Variants in LRMDA observed in about 807,000 individuals in gnomAD.
LRMDA encodes the protein leucine rich melanocyte differentiation associated, also known as leucine-rich melanocyte differentiation-associated protein.
Under a neutral mutation model 29.8 loss-of-function variants are expected in LRMDA, and 18 were observed. That is an observed-to-expected ratio of 0.60 (90% CI 0.42 to 0.90). The LOEUF is 0.90. LRMDA is among the 40% of genes least tolerant of loss of function. The probability of loss-of-function intolerance (pLI) is 0.00; values close to 1 mark genes in which losing one functional copy is unlikely to be tolerated. For missense variants in LRMDA, 273 were observed against 273.9 expected (o/e 1.00, Z 0.02); for synonymous variants, 125 against 109.4 (o/e 1.14, Z -0.89).
intron 6 of LRMDA, among the ~76,000 whole-genome samples, chr10:76,539,231 C>A (rs1242776968): frequency 1.3e-5 from 2 of 151,856 alleles, no homozygotes; most frequent in African/African-American, 4.8e-5. Flanking sequence ...GTTGTAGATA[C>A]TCTAGGAAGA....
At chr10:76,212,283 A>G (rs963869614) in intron 5 of LRMDA, among the ~76,000 whole-genome samples, 1 of 151,592 alleles carries the variant, frequency 6.6e-6, no homozygotes, top group Non-Finnish European at 1.5e-5. Flanking sequence ...AAAAAAAACT[A>G]TAGAGAAATA....
intron 1 of LRMDA, among the ~76,000 whole-genome samples, 176 bp from the exon 2 acceptor site, chr10:75,438,218 C>T (rs1000075672): frequency 6.6e-6 from 1 of 152,172 alleles, no homozygotes; most frequent in Non-Finnish European, 1.5e-5. Flanking sequence ...TTGGTGGAGT[C>T]CTTGGAGCCC....
At chr10:75,536,319 C>A (rs565105867) in intron 2 of LRMDA, among the ~76,000 whole-genome samples, 38 of 152,252 alleles carry the variant, frequency 2.5e-4, no homozygotes, top group Non-Finnish European at 1.5e-5. Flanking sequence ...CTCAAACATG[C>A]CCCCTGGCCT....
intron 6 of LRMDA, chr10:76,465,052 T>G (rs1241420187): frequency 1.3e-5 from 2 of 152,190 alleles, no homozygotes; most frequent in African/African-American, 4.8e-5. Flanking sequence ...AGGCCACAGA[T>G]AAGAGGATGG....
intron 2 of LRMDA, among the ~76,000 whole-genome samples, chr10:75,649,607 T>G (rs1841571353): frequency 6.6e-6 from 1 of 152,246 alleles, no homozygotes; most frequent in Admixed American, 6.5e-5. Context: ...ATAATGCTGC[T>G]GTAAACATTA....
chr10:76,276,462 T>C (rs987376852), intron 5 of LRMDA, among the ~76,000 whole-genome samples: 3 of 152,144 alleles, frequency 2.0e-5, no homozygotes, highest in Non-Finnish European at 2.9e-5. Flanking sequence ...ATTTTTTGTT[T>C]CACATGCTGC....
intron 6 of LRMDA, among the ~76,000 whole-genome samples, chr10:76,339,407 T>C (rs1433109551): frequency 6.6e-6 from 1 of 151,924 alleles, no homozygotes; most frequent in Admixed American, 6.6e-5. Flanking sequence ...AACACTGTAG[T>C]ATATTAAAAA....
chr10:76,206,607 T>C (rs1176768984), intron 5 of LRMDA, among the ~76,000 whole-genome samples: 1 of 152,192 alleles, frequency 6.6e-6, no homozygotes, highest in Non-Finnish European at 1.5e-5. Context: ...ATGCCTTTTG[T>C]GGGACTCTGG....
At chr10:75,447,561 A>T (rs993535966) in intron 2 of LRMDA, among the ~76,000 whole-genome samples, 1 of 152,130 alleles carries the variant, frequency 6.6e-6, no homozygotes, top group Non-Finnish European at 1.5e-5. Flanking sequence ...GAAGACTTTG[A>T]TTCTCTTTAC....
chr10:76,112,363 T>C (rs1219236673), intron 5 of LRMDA, among the ~76,000 whole-genome samples: 2 of 152,208 alleles, frequency 1.3e-5, no homozygotes, highest in Non-Finnish European at 2.9e-5. Flanking sequence ...AAGTGAGATC[T>C]GTGGCCAGGA....
intron 5 of LRMDA, among the ~76,000 whole-genome samples, chr10:76,262,669 A>C (rs548112704): frequency 1.2e-4 from 18 of 152,026 alleles, no homozygotes; most frequent in Non-Finnish European, 1.8e-4. Context: ...GGGAATGGGC[A>C]CTAACTTCTC....
At chr10:75,493,896 CGTGTGT>C (rs10616462) in intron 2 of LRMDA, among the ~76,000 whole-genome samples, 3 of 148,348 alleles carry the variant, frequency 2.0e-5, no homozygotes, top group Non-Finnish European at 4.5e-5. Flanking sequence ...CTGAAATTTA[CGTGTGT>C]GTGTGTGTGT....
At chr10:76,294,131 GA>G (rs1186772644) in intron 5 of LRMDA, among the ~76,000 whole-genome samples, 1 of 152,214 alleles carries the variant, frequency 6.6e-6, no homozygotes, top group Non-Finnish European at 1.5e-5. Flanking sequence ...ATCTCTTGCG[GA>G]AAATACGTTC....
In LRMDA at chr10:75,884,954, G is replaced by C. The variant is rs2132347655; in HGVS notation, c.132-151054G>C. Among the ~76,000 whole-genome samples the C allele has an allele frequency of 2.0e-5, 3 of 152,016 alleles. No individual in the cohort carries two copies. The Middle Eastern group carries it at 0.01, about 521-fold the overall frequency. On this transcript the variant is annotated intron_variant, in intron 2 of 6. Transcript: ENST00000611255. ...AGGCCTGGGGAGAACTCCAGTCCAG[G>C]AGGCCCGGGGAGGACAGCAGTTCAG...
chr10:76,478,217 C>T (rs970853373), intron 6 of LRMDA, among the ~76,000 whole-genome samples: 11 of 151,940 alleles, frequency 7.2e-5, no homozygotes, highest in African/African-American at 2.7e-4. Flanking sequence ...AAAAAACAAC[C>T]CCATCAAAAA....
At chr10:76,314,246 T>C (rs1840664209) in intron 5 of LRMDA, among the ~76,000 whole-genome samples, 1 of 152,192 alleles carries the variant, frequency 6.6e-6, no homozygotes. Flanking sequence ...TTTTTGTTGT[T>C]GTTTTTAAGA....
intron 5 of LRMDA, among the ~76,000 whole-genome samples, chr10:76,067,100 C>T (rs1014347438): frequency 1.3e-5 from 2 of 152,182 alleles, no homozygotes; most frequent in Non-Finnish European, 2.9e-5. Context: ...GATTCTGGGA[C>T]AAGGAGACAG....
At chr10:75,875,583 C>G (rs1171025066) in intron 2 of LRMDA, among the ~76,000 whole-genome samples, 3 of 152,152 alleles carry the variant, frequency 2.0e-5, no homozygotes, top group African/African-American at 7.2e-5. Context: ...CAGGCATGCG[C>G]CACCATGCCC....
chr10:76,106,109 A>G (rs1458588915), intron 5 of LRMDA, among the ~76,000 whole-genome samples: 2 of 152,208 alleles, frequency 1.3e-5, no homozygotes, highest in East Asian at 1.9e-4. Context: ...CCAGGAAACT[A>G]TTAGTATAGT....
Sources: gnomAD v4.1 joint callset for allele counts (sites outside exome capture counted in the v4.1 genomes callset) on GRCh38, gnomAD v4.1.1 for gene constraint, MANE v1.5 for transcripts, NCBI Gene and HGNC (gene_info 2026-07-23, HGNC 2026-07-21) for gene names.